Variants in MTNR1A observed in about 807,000 individuals in gnomAD.
The protein encoded by MTNR1A is melatonin receptor type 1A.
In MTNR1A, 7 loss-of-function variants were observed where a neutral mutation model predicts 5.5. The observed-to-expected ratio is 1.28, with a 90% CI of 0.73 to 2.40. The LOEUF (loss-of-function observed/expected upper bound fraction) is 2.40. Among genes scored for constraint, MTNR1A ranks in the 30% most tolerant of loss-of-function variants. The probability of loss-of-function intolerance (pLI) is 0.00; values close to 1 mark genes in which losing one functional copy is unlikely to be tolerated. For synonymous variants in MTNR1A, 196 were observed against 202.7 expected, an observed-to-expected ratio of 0.97 and a Z score of 0.28; for missense variants, 441 against 464.4, an observed-to-expected ratio of 0.95 and a Z score of 0.46.
At chr4:186,546,343 G>A (rs966309285) in intron 1 of MTNR1A, among the ~76,000 whole-genome samples, 1 of 151,170 alleles carries the variant, frequency 6.6e-6, no homozygotes, top group Non-Finnish European at 1.5e-5. Context: ...CACCCCTCCT[G>A]CCGTCGGCCT....
chr4:186,549,651 C>T (rs958234764), intron 1 of MTNR1A, among the ~76,000 whole-genome samples: 3 of 152,174 alleles, frequency 2.0e-5, no homozygotes, highest in Non-Finnish European at 4.4e-5. Flanking sequence ...TATTTTCATA[C>T]TTTTGTACCC....
chr4:186,534,372 T>A lies in MTNR1A; in HGVS notation c.370A>T (p.Asn124Tyr). ...SIFNITGIAI[N>Y]RYCYICHSLK... ...CTGTGGCAGATGTAGCAGTAGCGGT[T>A]GATGGCGATGCCGGTGATGTTGAAT... Residue 124 changes from asparagine (N) to tyrosine (Y), a missense_variant, in exon 2 of 2, where the codon AAC (asparagine) becomes TAC (tyrosine). Physicochemically the swap from Asn to Tyr is moderately radical, Grantham distance 143. Transcript: ENST00000307161. 6.2e-7 allele frequency: 1 copy of A among 1,614,128 alleles called. No homozygotes were observed. The highest frequency in any genetic ancestry group is 8.5e-7 in the Non-Finnish European group (1 of 1,180,030).
chr4:186,536,307 T>C (rs1237333617), intron 1 of MTNR1A, among the ~76,000 whole-genome samples: 45 of 151,142 alleles, frequency 3.0e-4, no homozygotes, highest in African/African-American at 1.0e-3. Context: ...GATCGCGCCA[T>C]TGCACTCCAG....
chr4:186,539,840 G>A (rs1183208954), intron 1 of MTNR1A, among the ~76,000 whole-genome samples: 1 of 152,210 alleles, frequency 6.6e-6, no homozygotes, highest in Non-Finnish European at 1.5e-5. Flanking sequence ...GGCTTGAATT[G>A]TTTATAGGGT....
chr4:186,543,659 G>T (rs1737076918), intron 1 of MTNR1A, among the ~76,000 whole-genome samples: 1 of 152,182 alleles, frequency 6.6e-6, no homozygotes, highest in African/African-American at 2.4e-5. Flanking sequence ...ATATCAAATG[G>T]GGAATGTGAC....
intron 1 of MTNR1A, among the ~76,000 whole-genome samples, chr4:186,546,543 C>T (rs1377169417): frequency 6.6e-6 from 1 of 152,112 alleles, no homozygotes; most frequent in Admixed American, 6.5e-5. Flanking sequence ...ATCCACATCA[C>T]ACCCCATTAA....
At chr4:186,552,798 C>A (rs534106350) in intron 1 of MTNR1A, among the ~76,000 whole-genome samples, 1 of 152,194 alleles carries the variant, frequency 6.6e-6, no homozygotes, top group Non-Finnish European at 1.5e-5. Context: ...TTGCGGGAAT[C>A]GTCCCTTATG....
chr4:186,547,720 C>T lies in MTNR1A; in HGVS notation c.184+7462G>A, dbSNP rs143729257. ...CCTTGGCACTGCTTTCTATTATACACGGTATTGTACACTGTACACTTTACA... is the reference window on the plus strand; with the variant it reads ...CCTTGGCACTGCTTTCTATTATACATGGTATTGTACACTGTACACTTTACA... On this transcript the variant is annotated intron_variant, in intron 1 of 1. Coordinates refer to ENST00000307161, the MANE Select transcript of MTNR1A (RefSeq NM_005958.4). Among the ~76,000 whole-genome samples, 30 of 152,288 alleles carry T rather than the reference C, an allele frequency of 2.0e-4. No homozygotes were observed. In the East Asian group the frequency reaches 4.2e-3, roughly 22 times the overall value.
rs1354153432 is a variant in MTNR1A at position 186,533,710 on chromosome 4, T to C, written c.1032A>G (p.Val344=). 1.9e-6 allele frequency: 3 copies of C among 1,614,218 alleles called. No homozygotes were observed. The change falls in exon 2 of 2, where the codon GTA becomes GTG. Residue 344 remains valine, a synonymous_variant. Transcript: ENST00000307161. ...TTTTTTAAACGGAGTCCACCTTTAC[T>C]ACATTATTGTTGGTCATCAGTGGAG... ...KPSPLMTNNN[V]VKVDSV
chr4:186,552,887 T>G (rs1192289259), intron 1 of MTNR1A, among the ~76,000 whole-genome samples: 1 of 152,206 alleles, frequency 6.6e-6, no homozygotes, highest in African/African-American at 2.4e-5. Flanking sequence ...GAGCGAATAT[T>G]CTGTTGGCAC....
chr4:186,543,139 A>G (rs948441042), intron 1 of MTNR1A, among the ~76,000 whole-genome samples: 21 of 152,256 alleles, frequency 1.4e-4, no homozygotes, highest in Admixed American at 6.5e-4. Context: ...GCCACCTGCT[A>G]TTTGGGGCTC....
At chr4:186,553,699 G>A (rs1354938844) in intron 1 of MTNR1A, among the ~76,000 whole-genome samples, 1 of 152,152 alleles carries the variant, frequency 6.6e-6, no homozygotes, top group Non-Finnish European at 1.5e-5. Flanking sequence ...TTTTAGTAGA[G>A]ACGGGGTTTC....
At chr4:186,541,536 C>T (rs1737024009) in intron 1 of MTNR1A, among the ~76,000 whole-genome samples, 1 of 152,040 alleles carries the variant, frequency 6.6e-6, no homozygotes, top group South Asian at 2.1e-4. Context: ...CTCTAGCTGA[C>T]CATTAGCCAC....
intron 1 of MTNR1A, among the ~76,000 whole-genome samples, chr4:186,542,284 A>G (rs910059473): frequency 6.6e-6 from 1 of 152,136 alleles, no homozygotes; most frequent in African/African-American, 2.4e-5. Flanking sequence ...ACAGAGGCAT[A>G]CTCTGAATAT....
intron 1 of MTNR1A, among the ~76,000 whole-genome samples, chr4:186,538,124 G>A (rs575988263): frequency 1.1e-4 from 16 of 152,152 alleles, no homozygotes; most frequent in Non-Finnish European, 1.8e-4. Context: ...GCAGCACGAC[G>A]TTGCTTTTCT....
Position 186,555,444 on chromosome 4 carries a change from G to C in MTNR1A, c.-79C>G. The C allele has an allele frequency of 8.4e-7, 1 of 1,194,468 alleles. No homozygotes were observed. Among genetic ancestry groups the C allele is most frequent in the East Asian group, 3.5e-5 (1 of 28,552 alleles). The allele number at this position is 1,194,468 out of a possible 1,614,324, so 74.0% of individuals were successfully genotyped here. A position where few individuals can be genotyped will look rare whatever the true frequency, so the allele number is the denominator to read the frequency against. On this transcript the variant is annotated 5_prime_UTR_variant, in exon 1 of 2. Transcript: ENST00000307161. This position sits in a 1 kb window ranked among gnomAD's most constrained non-coding sequence, Gnocchi z 4.1. ...CGACCACTTGTTAAGGCTCCGCCCG[G>C]CGCTCCCCGCGCCCACGCCCCATCC...
chr4:186,541,390 G>T (rs1737020906), intron 1 of MTNR1A, among the ~76,000 whole-genome samples: 1 of 152,022 alleles, frequency 6.6e-6, no homozygotes, highest in South Asian at 2.1e-4. Context: ...CTAGACCAGG[G>T]GTCCCCAACC....
At position 186,534,277 on chromosome 4, in the gene MTNR1A, C is replaced by T. The variant is rs767642752; in HGVS notation, c.465G>A (p.Thr155=). The T allele has an allele frequency of 5.6e-6, 9 of 1,613,994 alleles. No individual in the cohort carries two copies. In the African/African-American group the frequency reaches 8.0e-5, roughly 14 times the overall value. ...GGAGGTTGGGCAGGACGGCCGCCAG[C>T]GTCAGGAGCCATATGAGGAGCACGT... ...LCYVLLIWLL[T]LAAVLPNLRA... Residue 155 remains threonine, a synonymous_variant, in exon 2 of 2, where the codon ACG becomes ACA. Transcript: ENST00000307161.
At chr4:186,554,398 A>T (rs1460037296) in intron 1 of MTNR1A, among the ~76,000 whole-genome samples, 1 of 152,118 alleles carries the variant, frequency 6.6e-6, no homozygotes. Context: ...CAAATAAAAA[A>T]CTAGTTTCTT....
Sources: gnomAD v4.1 joint callset for allele counts (sites outside exome capture counted in the v4.1 genomes callset) on GRCh38, gnomAD v4.1.1 for gene constraint, Gnocchi (gnomAD v3.1) non-coding constraint, MANE v1.5 for transcripts, NCBI Gene and HGNC (gene_info 2026-07-23, HGNC 2026-07-21) for gene names.